NAV2: variants seen among roughly 807,000 people sequenced by gnomAD.
The protein encoded by NAV2 is helicase, APC down-regulated 1.
In NAV2, 54 loss-of-function variants were observed where a neutral mutation model predicts 223.2. The observed-to-expected ratio is 0.24, with a 90% CI of 0.19 to 0.30. NAV2 has a LOEUF of 0.30. Ranked by LOEUF, NAV2 falls within the 10% of genes least tolerant of loss-of-function variation. The probability of loss-of-function intolerance (pLI) is 1.00; values close to 1 mark genes in which losing one functional copy is unlikely to be tolerated. For synonymous variants in NAV2, 1,279 were observed against 1,239.3 expected, an observed-to-expected ratio of 1.03 and a Z score of -0.67; for missense variants, 2,806 against 3,147.5, an observed-to-expected ratio of 0.89 and a Z score of 2.60.
chr11:19,600,515 T>A (rs1171758679), intron 1 of NAV2, among the ~76,000 whole-genome samples: 1 of 152,142 alleles, frequency 6.6e-6, no homozygotes, highest in Non-Finnish European at 1.5e-5. Context: ...CCCAAAACTT[T>A]TGAGGAGGGG....
At chr11:19,717,969 T>C (rs2050438941) in intron 1 of NAV2, among the ~76,000 whole-genome samples, 1 of 152,140 alleles carries the variant, frequency 6.6e-6, no homozygotes, top group Non-Finnish European at 1.5e-5. Context: ...AGCTGTTAGG[T>C]ACAGCCCTAC....
At chr11:19,484,198 G>A (rs2042370880) in intron 1 of NAV2, among the ~76,000 whole-genome samples, 2 of 151,382 alleles carry the variant, frequency 1.3e-5, no homozygotes, top group Admixed American at 1.3e-4. Flanking sequence ...TAAGGAATGA[G>A]TATGTTAATT....
At position 19,583,457 on chromosome 11, in the gene NAV2, G is replaced by C. The variant is rs555772610; in HGVS notation, c.75+232430G>C. On this transcript the variant is annotated intron_variant, in intron 1 of 37. Transcript: ENST00000360655. ...GAGAGGGCATCCCTGTCTTGTGCCA[G>C]TTTTCAAAGGGAATGCTTCCAGTTT... is the stretch of plus-strand genomic sequence containing the variant. Among the ~76,000 whole-genome samples, 6 of 152,286 alleles carry C rather than the reference G, an allele frequency of 3.9e-5. No homozygotes were observed. The South Asian group carries it at 8.3e-4, about 21-fold the overall frequency.
At chr11:19,893,863 G>A (rs542344253) in intron 6 of NAV2, among the ~76,000 whole-genome samples, 12 of 151,930 alleles carry the variant, frequency 7.9e-5, no homozygotes, top group South Asian at 2.1e-4. Context: ...TTTCTTCACC[G>A]TACCAGTGTG....
At position 19,527,316 on chromosome 11, in the gene NAV2, C is replaced by T. The variant is rs188003662; in HGVS notation, c.75+176289C>T. On this transcript the variant is annotated intron_variant, in intron 1 of 37. Transcript: ENST00000360655. ...AAGATGTACCTTTTGCCTTCTGTCA[C>T]GATTATGAGGCCTCCCCAGCCATGT... Among the ~76,000 whole-genome samples the T allele has an allele frequency of 3.4e-4, 52 of 152,280 alleles. No homozygotes were observed. In the East Asian group the frequency reaches 5.6e-3, roughly 16 times the overall value.
chr11:19,536,065 T>C (rs1348042991), intron 1 of NAV2, among the ~76,000 whole-genome samples: 1 of 152,180 alleles, frequency 6.6e-6, no homozygotes, highest in African/African-American at 2.4e-5. Context: ...AGCCAGGTAG[T>C]GGAAGATTAG....
intron 1 of NAV2, among the ~76,000 whole-genome samples, chr11:19,516,344 T>G (rs2043446343): frequency 1.3e-5 from 2 of 152,064 alleles, no homozygotes; most frequent in South Asian, 4.2e-4. Context: ...TCCTAACAAC[T>G]CCCACCCCCA....
intron 12 of NAV2, 25 bp downstream of exon 12, chr11:20,036,122 C>A (rs1379593553): frequency 6.8e-6 from 11 of 1,613,832 alleles, no homozygotes; most frequent in Non-Finnish European, 9.3e-6. Context: ...CCCTCCCAGG[C>A]TCCTCCAGCA....
intron 1 of NAV2, chr11:19,505,512 T>C (rs548023066): frequency 3.3e-5 from 5 of 152,194 alleles, no homozygotes; most frequent in Non-Finnish European, 4.4e-5. Flanking sequence ...GGGCCAGGTG[T>C]CACTAATGAA....
intron 1 of NAV2, among the ~76,000 whole-genome samples, chr11:19,452,335 G>A (rs1199447850): frequency 6.6e-6 from 1 of 152,180 alleles, no homozygotes; most frequent in Non-Finnish European, 1.5e-5. Context: ...GGAGACGAAT[G>A]AGGAAGATAA....
chr11:19,443,633 C>T (rs1851481229), intron 1 of NAV2, among the ~76,000 whole-genome samples: 1 of 152,180 alleles, frequency 6.6e-6, no homozygotes, highest in Non-Finnish European at 1.5e-5. Context: ...TTCTCACTGT[C>T]CTGGGCTTGC....
chr11:19,872,932 C>T (rs1412590022), intron 4 of NAV2, among the ~76,000 whole-genome samples: 2 of 152,180 alleles, frequency 1.3e-5, no homozygotes, highest in South Asian at 2.1e-4. Context: ...TGAGCTTGGG[C>T]CTCCCTTTGC....
intron 1 of NAV2, among the ~76,000 whole-genome samples, chr11:19,696,533 T>C (rs1316603809): frequency 2.0e-5 from 3 of 152,212 alleles, no homozygotes; most frequent in African/African-American, 7.2e-5. Flanking sequence ...CAGAGCTTAG[T>C]TCAGCTCAGC....
chr11:19,508,447 G>T (rs1260945789), intron 1 of NAV2, among the ~76,000 whole-genome samples: 1 of 152,178 alleles, frequency 6.6e-6, no homozygotes, highest in East Asian at 1.9e-4. Context: ...TTTAAGTGTG[G>T]CAGGTACCTT....
chr11:20,108,163 C>T (rs1279725580), intron 36 of NAV2, among the ~76,000 whole-genome samples: 1 of 152,200 alleles, frequency 6.6e-6, no homozygotes, highest in African/African-American at 2.4e-5. Context: ...TTGGGTTAAG[C>T]CTTGGATTAG....
intron 1 of NAV2, among the ~76,000 whole-genome samples, chr11:19,409,921 C>G (rs932018509): frequency 6.6e-5 from 10 of 152,136 alleles, no homozygotes; most frequent in African/African-American, 1.9e-4. Context: ...TGGGCTGAGA[C>G]AGGCGGCTCA....
At chr11:19,512,341 C>T (rs968464811) in intron 1 of NAV2, among the ~76,000 whole-genome samples, 13 of 152,160 alleles carry the variant, frequency 8.5e-5, no homozygotes, top group African/African-American at 3.1e-4. Context: ...GAGGCTAGGG[C>T]TTAATTAGAG....
intron 11 of NAV2, among the ~76,000 whole-genome samples, chr11:20,020,688 C>T (rs181039564): frequency 1.2e-4 from 19 of 152,286 alleles, no homozygotes; most frequent in South Asian, 2.1e-4. Context: ...GTAATCAAAA[C>T]GATATGTTTA....
intron 1 of NAV2, among the ~76,000 whole-genome samples, chr11:19,542,395 T>A (rs1421799369): frequency 6.6e-6 from 1 of 152,222 alleles, no homozygotes; most frequent in Non-Finnish European, 1.5e-5. Context: ...GTTTAAGGAA[T>A]TTGTTCATGG....
Sources: gnomAD v4.1 joint callset for allele counts (sites outside exome capture counted in the v4.1 genomes callset) on GRCh38, gnomAD v4.1.1 for gene constraint, MANE v1.5 for transcripts, NCBI Gene and HGNC (gene_info 2026-07-23, HGNC 2026-07-21) for gene names.